The following MYO10 variants were observed in gnomAD, a reference collection of about 807,000 sequenced individuals.
The protein encoded by MYO10 is myosin X.
A neutral mutation model predicts 257.3 loss-of-function variants in MYO10; 133 were observed. The ratio of observed to expected loss-of-function variants is 0.52; its 90% confidence interval spans 0.45 to 0.60. The LOEUF (loss-of-function observed/expected upper bound fraction) is 0.60, where lower values mean the gene tolerates loss of function less well. Among genes scored for constraint, MYO10 ranks in the 20% least tolerant of loss-of-function variants. The pLI is 0.00. For missense variants in MYO10, 2,399 were observed against 2,635.7 expected, an observed-to-expected ratio of 0.91 and a Z score of 1.97; for synonymous variants, 1,104 against 1,028.6, an observed-to-expected ratio of 1.07 and a Z score of -1.40.
intron 19 of MYO10, among the ~76,000 whole-genome samples, chr5:16,741,057 C>G (rs552650000): frequency 1.3e-5 from 2 of 152,266 alleles, no homozygotes; most frequent in African/African-American, 4.8e-5. Context: ...AAAACACCTC[C>G]CTTCCAGGGC....
At chr5:16,704,508 T>C in intron 22 of MYO10, 71 bp downstream of exon 22, 2 of 1,354,928 alleles carry the variant, frequency 1.5e-6, no homozygotes, top group Non-Finnish European at 2.1e-6. Flanking sequence ...GCCACTCCAC[T>C]GGAACACACT....
chr5:16,858,399 TACAC>T (rs545490188), intron 2 of MYO10, among the ~76,000 whole-genome samples: 1 of 143,816 alleles, frequency 7.0e-6, no homozygotes, highest in Non-Finnish European at 1.5e-5. Flanking sequence ...CACTTCAACA[TACAC>T]ACACAGCTGC....
At position 16,854,965 on chromosome 5, in the gene MYO10, G is replaced by A. The variant is rs191797442; in HGVS notation, c.120+22644C>T. Among the ~76,000 whole-genome samples the A allele has an allele frequency of 3.6e-3, 542 of 152,084 alleles. 8 individuals are homozygous for A. The highest frequency in any genetic ancestry group is 0.011 in the African/African-American group (476 of 41,510). ...GGAGAACTGCCAGAACCTGGGAGGC[G>A]GAGGTTGCAGTGAGCCGAGATTGCG... On this transcript the variant is annotated intron_variant, in intron 2 of 40. Transcript: ENST00000513610.
Position 16,935,717 on chromosome 5 carries a change from C to T in MYO10, c.21+71G>A, listed in dbSNP as rs976067045. ...AGGGCTTAGGAAAAAGTACCCAGGG[C>T]GCGCGGCGTGGTGGGCAGACGCCTC... is the stretch of plus-strand genomic sequence containing the variant. On this transcript the variant is annotated intron_variant, in intron 1 of 40. Coordinates refer to ENST00000513610, the MANE Select transcript of MYO10 (RefSeq NM_012334.3). The T allele has an allele frequency of 7.6e-6, 12 of 1,586,394 alleles. 1 individual carries two copies. Among genetic ancestry groups the T allele is most frequent in the South Asian group, 4.4e-5 (4 of 90,120 alleles).
chr5:16,858,228 G>T (rs550355106), intron 2 of MYO10, among the ~76,000 whole-genome samples: 2 of 152,000 alleles, frequency 1.3e-5, no homozygotes, highest in East Asian at 3.9e-4. Context: ...TATGCTTCTC[G>T]TGAGTTTTTC....
At chr5:16,748,490 G>A (rs1419086342) in intron 19 of MYO10, among the ~76,000 whole-genome samples, 19 of 147,706 alleles carry the variant, frequency 1.3e-4, no homozygotes, top group African/African-American at 2.8e-4. Flanking sequence ...AGTGATCCGC[G>A]CCCCCCCGCC....
At chr5:16,910,833 T>G (rs1270129211) in intron 1 of MYO10, among the ~76,000 whole-genome samples, 1 of 152,126 alleles carries the variant, frequency 6.6e-6, no homozygotes, top group African/African-American at 2.4e-5. Flanking sequence ...ACCTTCCCAT[T>G]TATGCTACAC....
chr5:16,816,770 C>T (rs1219400988), intron 3 of MYO10, among the ~76,000 whole-genome samples: 2 of 151,726 alleles, frequency 1.3e-5, no homozygotes, highest in Non-Finnish European at 2.9e-5. Context: ...TCTCGTGATC[C>T]GCCCGTCTCA....
At chr5:16,838,284 T>C (rs1223303112) in intron 2 of MYO10, among the ~76,000 whole-genome samples, 1 of 152,164 alleles carries the variant, frequency 6.6e-6, no homozygotes, top group African/African-American at 2.4e-5. Context: ...GGAAAATTTC[T>C]TGAAGGAAAT....
chr5:16,825,363 G>A lies in MYO10; in HGVS notation c.121-7196C>T, dbSNP rs141854268. On this transcript the variant is annotated intron_variant, in intron 2 of 40. Coordinates refer to ENST00000513610, the MANE Select transcript of MYO10 (RefSeq NM_012334.3). ...TTATCTTGTTTAAAAGCCATCACACGCCCACCCTGGAACCTCTTGGTCAGG... is the reference window on the plus strand; with the variant it reads ...TTATCTTGTTTAAAAGCCATCACACACCCACCCTGGAACCTCTTGGTCAGG... 3.1e-3 allele frequency among the ~76,000 whole-genome samples: 476 copies of A among 152,112 alleles called. 4 individuals carry two copies. The highest frequency in any genetic ancestry group is 0.011 in the African/African-American group (457 of 41,480).
chr5:16,704,190 T>C lies in MYO10; in HGVS notation c.2276+389A>G, dbSNP rs142201398. ...TTTTTTTTTAATTAGCCAGGCATGG[T>C]GGTGTGTGTCTGTAGTCCCAACTAC... On this transcript the variant is annotated intron_variant, in intron 22 of 40. Transcript: ENST00000513610. Among the ~76,000 whole-genome samples the C allele has an allele frequency of 5.3e-3, 804 of 151,692 alleles. 9 individuals carry two copies. Among genetic ancestry groups the C allele is most frequent in the African/African-American group, 0.019 (771 of 41,350 alleles).
At chr5:16,929,967 A>G (rs1580162979) in intron 1 of MYO10, among the ~76,000 whole-genome samples, 1 of 152,314 alleles carries the variant, frequency 6.6e-6, no homozygotes, top group African/African-American at 2.4e-5. Flanking sequence ...CCTTCCCGCC[A>G]TAAAATAATC....
chr5:16,674,226 G>A (rs895561811), intron 35 of MYO10, among the ~76,000 whole-genome samples: 17 of 152,300 alleles, frequency 1.1e-4, no homozygotes, highest in African/African-American at 3.9e-4. Flanking sequence ...CCAGCACTTT[G>A]GGAGGCCGAG....
At chr5:16,757,979 A>G (rs1218979894) in intron 18 of MYO10, 139 bp downstream of exon 18, 1 of 691,878 alleles carries the variant, frequency 1.4e-6, no homozygotes, top group Non-Finnish European at 2.5e-6. Flanking sequence ...CTAAAGCACT[A>G]TCTGGTTTAA....
At chr5:16,858,441 TAAAAAA>T (rs56792705) in intron 2 of MYO10, among the ~76,000 whole-genome samples, 2 of 135,304 alleles carry the variant, frequency 1.5e-5, no homozygotes. Flanking sequence ...GCTACTTTTG[TAAAAAA>T]AAAAAAAAAA....
chr5:16,902,500 C>T (rs1305678782), intron 1 of MYO10: 6 of 1,553,842 alleles, frequency 3.9e-6, no homozygotes, highest in South Asian at 2.2e-5. Flanking sequence ...CTGACTGCTG[C>T]GGCCTCCACT....
Position 16,680,100 on chromosome 5 carries a change from G to C in MYO10, c.4389C>G (p.Tyr1463Ter). 1 of 1,610,274 alleles carries C rather than the reference G, an allele frequency of 6.2e-7. No homozygotes were observed. The highest frequency in any genetic ancestry group is 8.5e-7 in the Non-Finnish European group (1 of 1,177,118). The change falls in exon 33 of 41, where the codon TAC becomes TAG. Residue 1463 changes from tyrosine to a stop codon, truncating the protein, a stop_gained. Coordinates refer to ENST00000513610, the MANE Select transcript of MYO10 (RefSeq NM_012334.3). LOFTEE classifies it high-confidence loss of function. ...TGCGCCCGTACACGGTGACGTTCCA[G>C]TAGCCTGCAATGGCAGGGGTGCCCA... ...PDEKIFKETG[Y>*]WNVTVYGRKH...
At chr5:16,726,047 A>G (rs1219873827) in intron 19 of MYO10, among the ~76,000 whole-genome samples, 2 of 152,088 alleles carry the variant, frequency 1.3e-5, no homozygotes, top group African/African-American at 4.8e-5. Flanking sequence ...CAGCCTCCCA[A>G]AGTGCTGGGA....
At chr5:16,865,124 A>C (rs1189281114) in intron 2 of MYO10, among the ~76,000 whole-genome samples, 4 of 152,230 alleles carry the variant, frequency 2.6e-5, no homozygotes, top group Admixed American at 2.6e-4. Context: ...AGTGAATTCC[A>C]AGAATAACAG....
Sources: allele counts gnomAD v4.1 joint callset (sites outside exome capture counted in the v4.1 genomes callset), GRCh38; gene constraint gnomAD v4.1.1; transcripts MANE v1.5; gene names NCBI Gene and HGNC (gene_info 2026-07-23, HGNC 2026-07-21).